UBE2E1: variants seen among roughly 807,000 people sequenced by gnomAD.
The protein encoded by UBE2E1 is ubiquitin-conjugating enzyme E2 E1.
UBE2E1 carries 6 observed loss-of-function variants against 21.4 expected under a neutral mutation model. The ratio of observed to expected loss-of-function variants is 0.28; its 90% CI spans 0.15 to 0.55. The LOEUF (loss-of-function observed/expected upper bound fraction) is 0.55, where lower values mean the gene tolerates loss of function less well. UBE2E1 is among the 20% of genes least tolerant of loss of function. The pLI, the probability that UBE2E1 is intolerant of heterozygous loss-of-function variation, is 0.93. For missense variants in UBE2E1, 142 were observed against 236.5 expected, an observed-to-expected ratio of 0.60 and a Z score of 2.62; for synonymous variants, 87 against 82.7, an observed-to-expected ratio of 1.05 and a Z score of -0.28.
chr3:23,889,634 G>A, intron 5 of UBE2E1: 4 of 985,284 alleles, frequency 4.1e-6, no homozygotes, highest in Non-Finnish European at 4.8e-6. Flanking sequence ...TGCCTCTGGG[G>A]TTCAGTGAGC....
At chr3:23,877,111 A>G (rs1575035414) in intron 3 of UBE2E1, among the ~76,000 whole-genome samples, 1 of 152,340 alleles carries the variant, frequency 6.6e-6, no homozygotes, top group East Asian at 1.9e-4. Flanking sequence ...TCATTTGTTA[A>G]CATGCACATT....
rs897868562 is a variant in UBE2E1 at position 23,853,019 on chromosome 3, T to C, written c.204-34548T>C. ...ACAACTTACGCCTCCTGAGTTCAAG[T>C]GATTCTCCTGCCTCAGCCTCCCAAG... On this transcript the variant is annotated intron_variant, in intron 3 of 5. Coordinates refer to ENST00000306627, the MANE Select transcript of UBE2E1 (RefSeq NM_003341.5). The surrounding 1 kb of genome is among the most constrained non-coding windows in gnomAD (Gnocchi z 4.1). Among the ~76,000 whole-genome samples the C allele has an allele frequency of 6.6e-6, 1 of 151,410 alleles. No individual in the cohort carries two copies. The highest frequency in any genetic ancestry group is 2.4e-5 in the African/African-American group (1 of 41,192).
At chr3:23,859,060 A>G (rs926050500) in intron 3 of UBE2E1, among the ~76,000 whole-genome samples, 2 of 152,196 alleles carry the variant, frequency 1.3e-5, no homozygotes, top group Admixed American at 6.5e-5. Flanking sequence ...GTATCTTACT[A>G]GAATTTTGCC....
At chr3:23,859,005 C>T (rs993115916) in intron 3 of UBE2E1, among the ~76,000 whole-genome samples, 1 of 152,150 alleles carries the variant, frequency 6.6e-6, no homozygotes, top group Non-Finnish European at 1.5e-5. Context: ...CCCAATTTGG[C>T]TGGTAGTTTT....
chr3:23,837,472 G>A (rs1241177963), intron 3 of UBE2E1, among the ~76,000 whole-genome samples: 1 of 152,206 alleles, frequency 6.6e-6, no homozygotes, highest in African/African-American at 2.4e-5. Context: ...GCTATTTAGT[G>A]ATACATTTGC....
chr3:23,856,412 G>A (rs1700437876), intron 3 of UBE2E1, among the ~76,000 whole-genome samples: 1 of 152,202 alleles, frequency 6.6e-6, no homozygotes, highest in Non-Finnish European at 1.5e-5. Flanking sequence ...GAAGACAGAC[G>A]TTTAAAACAT....
At chr3:23,875,541 A>G (rs932687562) in intron 3 of UBE2E1, among the ~76,000 whole-genome samples, 2 of 152,228 alleles carry the variant, frequency 1.3e-5, no homozygotes, top group African/African-American at 4.8e-5. Context: ...AAGTTATGTC[A>G]AAAATTCCTT....
At chr3:23,860,328 C>T (rs566401330) in intron 3 of UBE2E1, among the ~76,000 whole-genome samples, 25 of 152,288 alleles carry the variant, frequency 1.6e-4, no homozygotes, top group African/African-American at 5.5e-4. Flanking sequence ...AAATCTTTAG[C>T]GCTCTGGTTT....
chr3:23,845,613 G>GTGTGTGTGTGTGTA (rs1413363695), intron 3 of UBE2E1, among the ~76,000 whole-genome samples: 2 of 151,064 alleles, frequency 1.3e-5, no homozygotes, highest in African/African-American at 4.9e-5. Context: ...GTGTGTGTGT[G>GTGTGTGTGTGTGTA]TGTATGTGTG....
At chr3:23,860,338 T>C (rs1018354100) in intron 3 of UBE2E1, among the ~76,000 whole-genome samples, 2 of 152,230 alleles carry the variant, frequency 1.3e-5, no homozygotes, top group Admixed American at 6.5e-5. Context: ...CGCTCTGGTT[T>C]TACCTTTTTA....
chr3:23,875,736 G>A (rs1044310607), intron 3 of UBE2E1, among the ~76,000 whole-genome samples: 2 of 152,148 alleles, frequency 1.3e-5, no homozygotes, highest in African/African-American at 2.4e-5. Flanking sequence ...TAGCCCCACC[G>A]TGTTCCAGTA....
intron 3 of UBE2E1, among the ~76,000 whole-genome samples, chr3:23,829,603 C>G (rs1285885543): frequency 3.3e-5 from 5 of 152,072 alleles, no homozygotes; most frequent in Non-Finnish European, 7.4e-5. Flanking sequence ...CCATACCTGC[C>G]CCTCTCCTGG....
At chr3:23,843,266 T>C (rs1700132146) in intron 3 of UBE2E1, among the ~76,000 whole-genome samples, 1 of 152,176 alleles carries the variant, frequency 6.6e-6, no homozygotes, top group South Asian at 2.1e-4. Flanking sequence ...GCCAGTCTTG[T>C]TGACTGCAGG....
In UBE2E1 at chr3:23,856,786, T is replaced by C. The variant is rs149252093; in HGVS notation, c.204-30781T>C. Reference sequence around the variant, plus strand: ...GAGGGGAATCAGAAAATTAATGTCATGATTATCAAGAATGTTTCCAGAAGG... The same window carrying C: ...GAGGGGAATCAGAAAATTAATGTCACGATTATCAAGAATGTTTCCAGAAGG... On this transcript the variant is annotated intron_variant, in intron 3 of 5. Transcript: ENST00000306627. Among the ~76,000 whole-genome samples the C allele has an allele frequency of 3.1e-4, 47 of 152,142 alleles. No homozygotes were observed. The East Asian group carries it at 8.9e-3, about 29-fold the overall frequency.
At position 23,889,217 on chromosome 3, in the gene UBE2E1, G is replaced by A; in HGVS notation, c.442G>A (p.Val148Ile). ...GAGTCCAGCACTAACCATTTCTAAA[G>A]TCCTCCTTTCTATCTGCTCACTTCT... ...NWSPALTISK[V>I]LLSICSLLTD... Residue 148 changes from valine to isoleucine, a missense_variant, in exon 5 of 6, where the codon GTC becomes ATC. Around this residue, in one of 2 missense-constraint regions of UBE2E1, gnomAD observed 87 missense variants for 184.9 expected, o/e 0.47. Transcript: ENST00000306627. The A allele has an allele frequency of 6.2e-7, 1 of 1,613,794 alleles. No homozygotes were observed. Among genetic ancestry groups the A allele is most frequent in the Non-Finnish European group, 8.5e-7 (1 of 1,179,964 alleles).
chr3:23,890,192 G>A (rs530489940), intron 5 of UBE2E1, among the ~76,000 whole-genome samples: 14 of 152,250 alleles, frequency 9.2e-5, no homozygotes, highest in Admixed American at 6.5e-4. Context: ...AGCCTTGACC[G>A]TTCCAGTCTC....
intron 3 of UBE2E1, among the ~76,000 whole-genome samples, chr3:23,825,049 A>T (rs1699726865): frequency 6.6e-6 from 1 of 152,256 alleles, no homozygotes; most frequent in African/African-American, 2.4e-5. Context: ...ATATTTCTTG[A>T]ATTAATTTTA....
intron 3 of UBE2E1, among the ~76,000 whole-genome samples, chr3:23,846,669 C>CT (rs1353403457): frequency 9.8e-5 from 12 of 122,648 alleles, no homozygotes; most frequent in Admixed American, 2.3e-4. Context: ...GCACTGCAGC[C>CT]TGGGCGACAG....
intron 1 of UBE2E1, 191 bp from the exon 2 acceptor site, chr3:23,807,046 G>A: frequency 2.2e-6 from 1 of 459,424 alleles, no homozygotes; most frequent in Non-Finnish European, 3.8e-6. Context: ...TTCCCCACTT[G>A]GGGCCAAAAA....
Sources: allele counts gnomAD v4.1 joint callset (sites outside exome capture counted in the v4.1 genomes callset), GRCh38; gene constraint gnomAD v4.1.1; regional missense constraint gnomAD v4.1.1; non-coding constraint Gnocchi (gnomAD v3.1); transcripts MANE v1.5; gene names NCBI Gene and HGNC (gene_info 2026-07-23, HGNC 2026-07-21).